Variants in CACNA2D3 observed in about 807,000 individuals in gnomAD.
CACNA2D3 encodes the protein voltage-dependent calcium channel subunit alpha-2/delta-3.
A neutral mutation model predicts 160.6 loss-of-function variants in CACNA2D3; 60 were observed. The observed-to-expected ratio is 0.37, with a 90% CI of 0.30 to 0.46. The LOEUF is 0.46. Among genes scored for constraint, CACNA2D3 ranks in the 20% least tolerant of loss-of-function variants. CACNA2D3 has a pLI of 1.00. For missense variants in CACNA2D3, 1,205 were observed against 1,365.0 expected, an observed-to-expected ratio of 0.88 and a Z score of 1.85; for synonymous variants, 558 against 492.9, an observed-to-expected ratio of 1.13 and a Z score of -1.75.
chr3:54,922,051 C>T (rs543580902), intron 27 of CACNA2D3, among the ~76,000 whole-genome samples: 22 of 152,274 alleles, frequency 1.4e-4, no homozygotes, highest in Admixed American at 1.4e-3. Flanking sequence ...GGTCTTATTA[C>T]CCCAAATCAA....
intron 27 of CACNA2D3, among the ~76,000 whole-genome samples, chr3:54,939,648 G>C (rs963063660): frequency 6.6e-6 from 1 of 152,196 alleles, no homozygotes; most frequent in Non-Finnish European, 1.5e-5. Flanking sequence ...CCCCCAGAAC[G>C]GAGCTATCAG....
intron 4 of CACNA2D3, among the ~76,000 whole-genome samples, chr3:54,403,265 G>A (rs1218271653): frequency 1.3e-5 from 2 of 151,898 alleles, no homozygotes; most frequent in Admixed American, 1.3e-4. Context: ...TGAGGTGGAA[G>A]GGTGGCTTAA....
intron 30 of CACNA2D3, among the ~76,000 whole-genome samples, chr3:54,985,243 G>A (rs1702589287): frequency 1.3e-5 from 2 of 152,162 alleles, no homozygotes; most frequent in South Asian, 4.1e-4. Flanking sequence ...GTGCAGTGTA[G>A]GGGTGGGAGG....
chr3:54,289,896 C>G (rs1703141379), intron 2 of CACNA2D3, among the ~76,000 whole-genome samples: 1 of 152,032 alleles, frequency 6.6e-6, no homozygotes, highest in Non-Finnish European at 1.5e-5. Flanking sequence ...ACACCTTATA[C>G]AAAAATTAAT....
intron 11 of CACNA2D3, among the ~76,000 whole-genome samples, chr3:54,726,574 C>G (rs1476801692): frequency 6.6e-6 from 1 of 152,098 alleles, no homozygotes; most frequent in Admixed American, 6.6e-5. Context: ...AGATATAGAC[C>G]AATGGAGCAG....
In CACNA2D3 at chr3:54,620,424, C is replaced by T. The variant is rs568496722; in HGVS notation, c.964-7363C>T. On this transcript the variant is annotated intron_variant, in intron 9 of 37. Transcript: ENST00000474759. ...AGCAGCACACCAGAATTCTGTGCTGCGTGTGAACAGGGCAGCAAGGAGCAG... is the reference window on the plus strand; with the variant it reads ...AGCAGCACACCAGAATTCTGTGCTGTGTGTGAACAGGGCAGCAAGGAGCAG... 3.9e-5 allele frequency among the ~76,000 whole-genome samples: 6 copies of T among 152,286 alleles called. No homozygotes were observed. The South Asian group carries it at 6.2e-4, about 16-fold the overall frequency.
At chr3:54,195,735 G>T (rs11717243) in intron 2 of CACNA2D3, among the ~76,000 whole-genome samples, 1 of 152,054 alleles carries the variant, frequency 6.6e-6, no homozygotes, top group Non-Finnish European at 1.5e-5. Context: ...GGTTTTCACA[G>T]GTTTGGTGGA....
In CACNA2D3 at chr3:54,441,009, G is replaced by T. The variant is rs1024741710; in HGVS notation, c.381+54235G>T. 3.3e-5 allele frequency among the ~76,000 whole-genome samples: 5 copies of T among 151,990 alleles called. No individual in the cohort carries two copies. The East Asian group carries it at 9.6e-4, about 29-fold the overall frequency. On this transcript the variant is annotated intron_variant, in intron 4 of 37. Coordinates refer to ENST00000474759, the MANE Select transcript of CACNA2D3 (RefSeq NM_018398.3). ...TCCTTTGGGTAAATACCCAGTAATG[G>T]GATGGCTGGGTCAAATGGTATTTCT...
chr3:54,678,789 G>A (rs1575419101), intron 11 of CACNA2D3, among the ~76,000 whole-genome samples: 1 of 128,742 alleles, frequency 7.8e-6, no homozygotes, highest in Non-Finnish European at 1.6e-5. Flanking sequence ...ACATTTCTTT[G>A]TTTGGTAAAA....
intron 13 of CACNA2D3, among the ~76,000 whole-genome samples, chr3:54,788,641 C>G (rs1001414770): frequency 1.3e-5 from 2 of 152,130 alleles, no homozygotes; most frequent in East Asian, 3.9e-4. Flanking sequence ...TGGACATTGA[C>G]GAAAGAAGTT....
intron 2 of CACNA2D3, among the ~76,000 whole-genome samples, chr3:54,265,692 TGG>T (rs1491469163): frequency 2.0e-5 from 3 of 147,292 alleles, no homozygotes; most frequent in African/African-American, 7.4e-5. Flanking sequence ...ATATATAGTG[TGG>T]GTATATATAG....
chr3:54,590,679 T>A (rs539783977), intron 9 of CACNA2D3, among the ~76,000 whole-genome samples: 2 of 152,146 alleles, frequency 1.3e-5, no homozygotes, highest in African/African-American at 4.8e-5. Context: ...GCTCCTGGGC[T>A]CAAGTGATCC....
chr3:54,856,629 T>G (rs570088054), intron 17 of CACNA2D3, among the ~76,000 whole-genome samples: 1 of 152,292 alleles, frequency 6.6e-6, no homozygotes, highest in African/African-American at 2.4e-5. Flanking sequence ...GTTTTTAAAG[T>G]TCTAAAACAA....
At chr3:54,335,189 G>C (rs1351063230) in intron 3 of CACNA2D3, among the ~76,000 whole-genome samples, 1 of 152,196 alleles carries the variant, frequency 6.6e-6, no homozygotes, top group African/African-American at 2.4e-5. Context: ...TATGGCAAAT[G>C]CTACTATTGC....
At chr3:54,825,255 C>A (rs975996642) in intron 14 of CACNA2D3, among the ~76,000 whole-genome samples, 3 of 151,974 alleles carry the variant, frequency 2.0e-5, no homozygotes, top group Non-Finnish European at 1.5e-5. Flanking sequence ...ATAAAAACAC[C>A]CTTCTTCCTT....
chr3:54,981,872 G>T (rs963923755), intron 29 of CACNA2D3, among the ~76,000 whole-genome samples: 1 of 152,200 alleles, frequency 6.6e-6, no homozygotes, highest in African/African-American at 2.4e-5. Flanking sequence ...TGTTGCCTCT[G>T]GGCAAGATGG....
chr3:54,175,601 G>C (rs1237674643), intron 2 of CACNA2D3, among the ~76,000 whole-genome samples: 1 of 130,758 alleles, frequency 7.6e-6, no homozygotes, highest in South Asian at 2.5e-4. Flanking sequence ...GTGACAAAGC[G>C]AGACTCTGTC....
At chr3:54,386,692 C>A in intron 3 of CACNA2D3, 23 bp from the exon 4 acceptor site, 4 of 1,060,404 alleles carry the variant, frequency 3.8e-6, no homozygotes, top group Non-Finnish European at 2.7e-6. Flanking sequence ...ATGCTGTCTT[C>A]TGTTTTTTTT....
chr3:54,892,242 A>AGTGT (rs139414837), intron 25 of CACNA2D3, among the ~76,000 whole-genome samples: 1 of 151,990 alleles, frequency 6.6e-6, no homozygotes, highest in African/African-American at 2.4e-5. Flanking sequence ...GTGGTTTGCA[A>AGTGT]GTGTGTGTGT....
Sources: gnomAD v4.1 joint callset for allele counts (sites outside exome capture counted in the v4.1 genomes callset) on GRCh38, gnomAD v4.1.1 for gene constraint, MANE v1.5 for transcripts, NCBI Gene and HGNC (gene_info 2026-07-23, HGNC 2026-07-21) for gene names.